The following INPP4B variants were observed in gnomAD, a reference collection of about 807,000 sequenced individuals.
INPP4B encodes the protein inositol polyphosphate-4-phosphatase type II B, also known as inositol polyphosphate 4-phosphatase type II.
In INPP4B, 55 loss-of-function variants were observed where a neutral mutation model predicts 122.5. That is an observed-to-expected ratio of 0.45 (90% CI 0.36 to 0.56). The LOEUF (loss-of-function observed/expected upper bound fraction) is 0.56. Among genes scored for constraint, INPP4B ranks in the 20% least tolerant of loss-of-function variants. The pLI is 0.00. For synonymous variants in INPP4B, 403 were observed against 388.7 expected (o/e 1.04, Z -0.43); for missense variants, 1,000 against 1,097.7 (o/e 0.91, Z 1.26).
intron 1 of INPP4B, among the ~76,000 whole-genome samples, chr4:142,822,409 C>G (rs1347636275): frequency 6.6e-6 from 1 of 152,154 alleles, no homozygotes; most frequent in Non-Finnish European, 1.5e-5. Flanking sequence ...CTGTTGGAAA[C>G]CAGACCAAAC....
chr4:142,174,139 A>G (rs1387963511), intron 15 of INPP4B, among the ~76,000 whole-genome samples: 1 of 152,148 alleles, frequency 6.6e-6, no homozygotes, highest in Admixed American at 6.6e-5. Context: ...AAAACAAATT[A>G]GTATTACTAT....
intron 1 of INPP4B, among the ~76,000 whole-genome samples, chr4:142,812,028 C>T (rs920741950): frequency 6.6e-6 from 1 of 152,086 alleles, no homozygotes; most frequent in African/African-American, 2.4e-5. Flanking sequence ...GCATAAGGCA[C>T]CACGAGAATT....
Position 142,263,766 on chromosome 4 carries a change from T to C in INPP4B, c.616-3202A>G, listed in dbSNP as rs114025261. On this transcript the variant is annotated intron_variant, in intron 10 of 25. Transcript: ENST00000262992. ...CTGAGGTAGACACTGCAATCTTAGA[T>C]AGGGTTGCAGGAAAGGCTTCAGTGA... Among the ~76,000 whole-genome samples, 735 of 146,752 alleles carry C rather than the reference T, an allele frequency of 5.0e-3. 10 individuals carry two copies. The highest frequency in any genetic ancestry group is 0.017 in the African/African-American group (696 of 40,032).
chr4:142,085,100 C>G (rs1776114543), intron 24 of INPP4B, among the ~76,000 whole-genome samples: 1 of 152,152 alleles, frequency 6.6e-6, no homozygotes, highest in African/African-American at 2.4e-5. Context: ...CATATTGTTA[C>G]CTTTGATGTT....
intron 22 of INPP4B, among the ~76,000 whole-genome samples, chr4:142,109,811 C>T (rs1411754700): frequency 6.6e-6 from 1 of 152,112 alleles, no homozygotes; most frequent in Non-Finnish European, 1.5e-5. Flanking sequence ...CTGGATTACA[C>T]CTTCTTTCAG....
chr4:142,089,437 CCACACACACACACACACACACACACA>C (rs36203495), intron 23 of INPP4B, among the ~76,000 whole-genome samples: 2 of 141,512 alleles, frequency 1.4e-5, no homozygotes, highest in Non-Finnish European at 3.1e-5. Flanking sequence ...GATGTTCTCA[CCACACACACACACACACACACACACA>C]CACACACACA....
At chr4:142,546,241 T>C (rs985657791) in intron 2 of INPP4B, among the ~76,000 whole-genome samples, 5 of 152,136 alleles carry the variant, frequency 3.3e-5, no homozygotes, top group African/African-American at 9.7e-5. Flanking sequence ...TCCAGCTCTA[T>C]CTATCTCCCT....
chr4:142,128,222 G>A (rs960378987), intron 18 of INPP4B, among the ~76,000 whole-genome samples: 47 of 150,936 alleles, frequency 3.1e-4, no homozygotes, highest in African/African-American at 1.1e-3. Context: ...GTGTGTGTGT[G>A]TATGTATATA....
At chr4:142,726,938 A>G (rs756050715) in intron 1 of INPP4B, among the ~76,000 whole-genome samples, 21 of 152,220 alleles carry the variant, frequency 1.4e-4, no homozygotes, top group Admixed American at 2.6e-4. Flanking sequence ...ATGAGAAAGC[A>G]TAAGCTAATA....
At chr4:142,492,714 A>G (rs1443856644) in intron 2 of INPP4B, among the ~76,000 whole-genome samples, 1 of 152,182 alleles carries the variant, frequency 6.6e-6, no homozygotes, top group African/African-American at 2.4e-5. Context: ...GAGGCAAAGC[A>G]TAGAAAAGGA....
At chr4:142,428,907 A>G (rs935422686) in intron 5 of INPP4B, among the ~76,000 whole-genome samples, 1 of 152,030 alleles carries the variant, frequency 6.6e-6, no homozygotes, top group African/African-American at 2.4e-5. Context: ...TCACTACGTT[A>G]GACTGAGTGC....
In INPP4B at chr4:142,501,292, AAAG is replaced by A. The variant is rs200733796; in HGVS notation, c.-190-38569_-190-38567del. On this transcript the variant is annotated intron_variant, in intron 2 of 25. Coordinates refer to ENST00000262992, the MANE Select transcript of INPP4B (RefSeq NM_001101669.3). The stretch of plus-strand genomic sequence containing the variant: ...TCCTAATAACAAGAACTGAGACAAC[AAAG>A]AAGACTCACAAACCATTTTAACTGA... Among the ~76,000 whole-genome samples, 179 of 152,306 alleles carry A rather than the reference AAAG, an allele frequency of 1.2e-3. 3 individuals are homozygous for A. In the East Asian group the frequency reaches 0.03, roughly 26 times the overall value.
chr4:142,431,577 T>C (rs1809300544), intron 3 of INPP4B, among the ~76,000 whole-genome samples, 192 bp from the exon 4 acceptor site: 1 of 152,120 alleles, frequency 6.6e-6, no homozygotes, highest in Non-Finnish European at 1.5e-5. Flanking sequence ...TCAAAGCAAT[T>C]ATTACATAGT....
At chr4:142,304,237 T>C (rs746809469) in intron 9 of INPP4B, among the ~76,000 whole-genome samples, 1 of 152,154 alleles carries the variant, frequency 6.6e-6, no homozygotes, top group Non-Finnish European at 1.5e-5. Context: ...TTGATAGCCA[T>C]TCTTTTTAGC....
Position 142,554,188 on chromosome 4 carries a change from C to CA in INPP4B, c.-190-91463dup, listed in dbSNP as rs758209943. 3.6e-3 allele frequency among the ~76,000 whole-genome samples: 345 copies of CA among 97,092 alleles called. 4 individuals are homozygous for CA. Among genetic ancestry groups the CA allele is most frequent in the Middle Eastern group, 5.7e-3 (1 of 174 alleles). 63.7% of individuals were successfully genotyped at this position (97,092 alleles called of 152,430 possible). A position where few individuals can be genotyped will look rare whatever the true frequency, so the allele number is the denominator to read the frequency against. ...GGGCAACAAGAGTGAAACTCCATCTCAAAAAAAAAAAAAAAAAGAAAAAGA... is the reference window on the plus strand; with the variant it reads ...GGGCAACAAGAGTGAAACTCCATCTCAAAAAAAAAAAAAAAAAAGAAAAAGA... On this transcript the variant is annotated intron_variant, in intron 2 of 25. Transcript: ENST00000262992.
intron 1 of INPP4B, among the ~76,000 whole-genome samples, chr4:142,831,634 C>T (rs1782151896): frequency 6.6e-6 from 1 of 152,144 alleles, no homozygotes; most frequent in African/African-American, 2.4e-5. Flanking sequence ...GCTAAAAACA[C>T]AAATTCCTCT....
intron 25 of INPP4B, among the ~76,000 whole-genome samples, chr4:142,063,464 T>G (rs1195278286): frequency 6.6e-6 from 1 of 152,160 alleles, no homozygotes; most frequent in Non-Finnish European, 1.5e-5. Flanking sequence ...TTAGTTTGTT[T>G]TTTCCTTGAC....
intron 1 of INPP4B, among the ~76,000 whole-genome samples, chr4:142,827,886 A>T (rs1781634131): frequency 6.6e-6 from 1 of 152,164 alleles, no homozygotes; most frequent in Admixed American, 6.6e-5. Context: ...ATTCCTGCCC[A>T]CATAAAGATT....
chr4:142,389,731 T>C (rs1195989088), intron 7 of INPP4B, among the ~76,000 whole-genome samples: 1 of 152,180 alleles, frequency 6.6e-6, no homozygotes, highest in Admixed American at 6.5e-5. Flanking sequence ...ATGAGATTTT[T>C]TACCAAGATT....
Sources: gnomAD v4.1 joint callset for allele counts (sites outside exome capture counted in the v4.1 genomes callset) on GRCh38, gnomAD v4.1.1 for gene constraint, MANE v1.5 for transcripts, NCBI Gene and HGNC (gene_info 2026-07-23, HGNC 2026-07-21) for gene names.